Variants in MGAT4C observed in about 807,000 individuals in gnomAD.
MGAT4C encodes MGAT4 family member C.
Under a neutral mutation model 40.1 loss-of-function variants are expected in MGAT4C, and 19 were observed. The observed-to-expected ratio is 0.47, with a 90% CI of 0.33 to 0.70. The LOEUF (loss-of-function observed/expected upper bound fraction) is 0.70, where lower values mean the gene tolerates loss of function less well. MGAT4C is among the 30% of genes least tolerant of loss of function. The pLI is 0.02. For missense variants in MGAT4C, 491 were observed against 563.2 expected, an observed-to-expected ratio of 0.87 and a Z score of 1.30; for synonymous variants, 181 against 187.1, an observed-to-expected ratio of 0.97 and a Z score of 0.27.
chr12:86,029,580 G>C (rs923928646), intron 2 of MGAT4C, among the ~76,000 whole-genome samples: 3 of 151,900 alleles, frequency 2.0e-5, no homozygotes, highest in Non-Finnish European at 4.4e-5. Context: ...CCCCAAAAAA[G>C]TAGAGAGGAG....
intron 2 of MGAT4C, among the ~76,000 whole-genome samples, chr12:86,608,353 G>T (rs1421286523): frequency 6.6e-6 from 1 of 151,970 alleles, no homozygotes; most frequent in Non-Finnish European, 1.5e-5. Context: ...CTTAGAAAGG[G>T]AGATCACTTA....
rs961204508 is a variant in MGAT4C, at chr12:86,733,586, C to T, written c.-261-6345G>A. 1.1e-4 allele frequency among the ~76,000 whole-genome samples: 16 copies of T among 151,898 alleles called. 1 individual carries two copies. Among genetic ancestry groups the T allele is most frequent in the African/African-American group, 3.9e-4 (16 of 41,362 alleles). ...GAAATACAGAAACCTCAACAGATGC[C>T]AATGTGGTGGGTATGTGAGACATGA... On this transcript the variant is annotated intron_variant, in intron 1 of 7. Coordinates refer to the MGAT4C transcript ENST00000548651.
At chr12:86,153,361 A>G (rs984928524) in intron 1 of MGAT4C, among the ~76,000 whole-genome samples, 1 of 152,246 alleles carries the variant, frequency 6.6e-6, no homozygotes, top group Non-Finnish European at 1.5e-5. Flanking sequence ...GAGGTAAATC[A>G]TGAAAGTATA....
chr12:86,702,701 T>G (rs1950385301), intron 2 of MGAT4C, among the ~76,000 whole-genome samples: 1 of 152,200 alleles, frequency 6.6e-6, no homozygotes, highest in African/African-American at 2.4e-5. Context: ...AAAATATTAC[T>G]GCTCATTGAC....
At chr12:86,312,067 G>A (rs1156799193) in intron 4 of MGAT4C, among the ~76,000 whole-genome samples, 1 of 152,044 alleles carries the variant, frequency 6.6e-6, no homozygotes, top group Non-Finnish European at 1.5e-5. Context: ...GGTGGGTTTT[G>A]TTTTGTTTTG....
At chr12:86,404,405 T>C (rs1434529920) in intron 3 of MGAT4C, among the ~76,000 whole-genome samples, 1 of 152,080 alleles carries the variant, frequency 6.6e-6, no homozygotes, top group Non-Finnish European at 1.5e-5. Context: ...TGACTAAGGA[T>C]CTTGAGATGG....
At chr12:86,541,079 G>T (rs918179422) in intron 2 of MGAT4C, among the ~76,000 whole-genome samples, 1 of 152,040 alleles carries the variant, frequency 6.6e-6, no homozygotes, top group African/African-American at 2.4e-5. Context: ...AGTTACCTAT[G>T]GTAACACTAA....
At chr12:86,651,278 T>TC (rs1963688138) in intron 2 of MGAT4C, among the ~76,000 whole-genome samples, 2 of 151,920 alleles carry the variant, frequency 1.3e-5, no homozygotes, top group African/African-American at 4.8e-5. Flanking sequence ...GAAGCCTGAA[T>TC]CCAAGTAATT....
intron 1 of MGAT4C, among the ~76,000 whole-genome samples, chr12:86,106,656 CT>C (rs144123529): frequency 1.2e-3 from 182 of 149,176 alleles, no homozygotes; most frequent in African/African-American, 4.2e-3. Context: ...TGTATATGGT[CT>C]TTTTTTTTTC....
chr12:86,112,415 G>A (rs1390748092), intron 1 of MGAT4C, among the ~76,000 whole-genome samples: 1 of 151,604 alleles, frequency 6.6e-6, no homozygotes, highest in East Asian at 1.9e-4. Context: ...AATGCCATGA[G>A]TATCTTGGGA....
intron 2 of MGAT4C, among the ~76,000 whole-genome samples, chr12:86,555,845 A>G (rs985879640): frequency 6.6e-6 from 1 of 152,024 alleles, no homozygotes; most frequent in African/African-American, 2.4e-5. Flanking sequence ...GGCCCCCTGG[A>G]CCTGCTTTTC....
At chr12:86,010,465 G>A (rs192082056) in intron 2 of MGAT4C, among the ~76,000 whole-genome samples, 1 of 152,138 alleles carries the variant, frequency 6.6e-6, no homozygotes, top group Non-Finnish European at 1.5e-5. Flanking sequence ...AGATCACGAG[G>A]TCAAGAGTTT....
chr12:86,815,024 G>A (rs1295123562), intron 1 of MGAT4C, among the ~76,000 whole-genome samples: 4 of 151,940 alleles, frequency 2.6e-5, no homozygotes, highest in Non-Finnish European at 5.9e-5. Context: ...TAAAATTTTT[G>A]TCAGATGTAC....
intron 2 of MGAT4C, among the ~76,000 whole-genome samples, chr12:86,537,492 T>TTA (rs1216311212): frequency 3.3e-5 from 5 of 151,902 alleles, no homozygotes; most frequent in African/African-American, 1.2e-4. Flanking sequence ...CCATATAAAA[T>TTA]TATATATATT....
chr12:86,566,610 T>C (rs2136416344), intron 2 of MGAT4C, among the ~76,000 whole-genome samples: 1 of 142,202 alleles, frequency 7.0e-6, no homozygotes, highest in African/African-American at 2.5e-5. Flanking sequence ...TGTATTATTG[T>C]ATTATATATG....
At chr12:86,320,883 C>A (rs905432076) in intron 4 of MGAT4C, among the ~76,000 whole-genome samples, 2 of 152,082 alleles carry the variant, frequency 1.3e-5, no homozygotes, top group African/African-American at 4.8e-5. Context: ...TTTTATCCAG[C>A]TCTAATCGTT....
intron 1 of MGAT4C, among the ~76,000 whole-genome samples, chr12:86,187,653 G>A (rs1347682203): frequency 6.6e-6 from 1 of 151,262 alleles, no homozygotes; most frequent in African/African-American, 2.4e-5. Flanking sequence ...ACTAAAAAAG[G>A]GCCTATAACG....
chr12:85,976,418 C>CT lies in MGAT4C; in HGVS notation c.*2870dup. 6.6e-6 allele frequency: 1 copy of CT among 150,760 alleles called. No homozygotes were observed. The highest frequency in any genetic ancestry group is 1.9e-4 in the East Asian group (1 of 5,168). 9.3% of individuals were successfully genotyped at this position (150,760 alleles called of 1,614,324 possible). On this transcript the variant is annotated 3_prime_UTR_variant, in exon 5 of 5. Coordinates refer to ENST00000611864, the MANE Select transcript of MGAT4C (RefSeq NM_001351288.2). ...AATTTCATTGTGCTTTTACAAGATA[C>CT]TTTTTTCTTTGATGTCCATAACTGC...
chr12:86,507,338 C>A (rs1958488494), intron 2 of MGAT4C, among the ~76,000 whole-genome samples: 1 of 152,066 alleles, frequency 6.6e-6, no homozygotes, highest in Admixed American at 6.6e-5. Flanking sequence ...TTTTCCATTC[C>A]ACTAATATTG....
Sources: allele counts gnomAD v4.1 joint callset (sites outside exome capture counted in the v4.1 genomes callset), GRCh38; gene constraint gnomAD v4.1.1; transcripts MANE v1.5; gene names NCBI Gene and HGNC (gene_info 2026-07-23, HGNC 2026-07-21).